The following LINGO2 variants were observed in gnomAD, a reference collection of about 807,000 sequenced individuals.
The protein encoded by LINGO2 is leucine-rich repeat and immunoglobulin-like domain-containing nogo receptor-interacting protein 2.
In LINGO2, 14 loss-of-function variants were observed where a neutral mutation model predicts 30.6. That is an observed-to-expected ratio of 0.46 (90% CI 0.30 to 0.72). The LOEUF (loss-of-function observed/expected upper bound fraction) is 0.72. LINGO2 is among the 30% of genes least tolerant of loss of function. LINGO2 has a pLI of 0.07. For synonymous variants in LINGO2, 317 were observed against 288.5 expected (o/e 1.10, Z -1.00); for missense variants, 729 against 751.7 (o/e 0.97, Z 0.35).
chr9:28,403,198 A>C (rs1822342763), intron 2 of LINGO2, among the ~76,000 whole-genome samples: 1 of 152,070 alleles, frequency 6.6e-6, no homozygotes. Flanking sequence ...TGTATTCCAA[A>C]ATGCTGAACT....
chr9:29,144,719 C>T, the LINGO2 span, among the ~76,000 whole-genome samples: 1 of 152,092 alleles, frequency 6.6e-6, no homozygotes, highest in Non-Finnish European at 1.5e-5. Context: ...ACTGTCTGAG[C>T]TTATCTCAAG....
At chr9:28,083,912 A>G (rs1451856067) in intron 4 of LINGO2, among the ~76,000 whole-genome samples, 1 of 152,174 alleles carries the variant, frequency 6.6e-6, no homozygotes, top group African/African-American at 2.4e-5. Context: ...GAGAAATTCA[A>G]ATAATAAGGG....
At chr9:29,089,587 T>G in the LINGO2 span, among the ~76,000 whole-genome samples, 1 of 152,112 alleles carries the variant, frequency 6.6e-6, no homozygotes, top group South Asian at 2.1e-4. Context: ...ATCTGCTTAT[T>G]TATTTCCCTA....
chr9:28,739,593 C>A, the LINGO2 span, among the ~76,000 whole-genome samples: 60 of 151,888 alleles, frequency 4.0e-4, no homozygotes, highest in East Asian at 0.011. Context: ...GTTATGAGGA[C>A]CCTACTATAG....
At chr9:28,049,429 C>T (rs989534664) in intron 4 of LINGO2, among the ~76,000 whole-genome samples, 8 of 150,126 alleles carry the variant, frequency 5.3e-5, no homozygotes, top group African/African-American at 1.2e-4. Flanking sequence ...CTTATTTCTA[C>T]GGGATGGGTA....
In LINGO2 at chr9:28,425,414, T is replaced by A. The variant is rs146178181; in HGVS notation, c.-279+50526A>T. 2.8e-3 allele frequency among the ~76,000 whole-genome samples: 425 copies of A among 151,712 alleles called. 1 individual carries two copies. Among genetic ancestry groups the A allele is most frequent in the African/African-American group, 9.8e-3 (407 of 41,430 alleles). On this transcript the variant is annotated intron_variant, in intron 2 of 5. Transcript: ENST00000379992. ...AAGCTCTAAGAGGTAGAAACTATTA[T>A]AATATTCATTTTAGAAAAGGAAGAT... is the stretch of plus-strand genomic sequence containing the variant.
the LINGO2 span, among the ~76,000 whole-genome samples, chr9:28,911,913 T>G: frequency 6.6e-6 from 1 of 152,142 alleles, no homozygotes; most frequent in Non-Finnish European, 1.5e-5. Flanking sequence ...GACAGTTTCA[T>G]CTTACTCAGC....
the LINGO2 span, among the ~76,000 whole-genome samples, chr9:28,818,534 C>T: frequency 6.6e-6 from 1 of 151,980 alleles, no homozygotes; most frequent in African/African-American, 2.4e-5. Context: ...TACAGATGCC[C>T]GCAACCACAT....
intron 2 of LINGO2, among the ~76,000 whole-genome samples, chr9:28,459,270 T>TAA (rs5897302): frequency 6.8e-6 from 1 of 147,870 alleles, no homozygotes; most frequent in Non-Finnish European, 1.5e-5. Flanking sequence ...GGAGAAAACT[T>TAA]AAAAAAAAAA....
chr9:28,148,741 T>C lies in LINGO2; in HGVS notation c.-86-136336A>G, dbSNP rs1272625662. On this transcript the variant is annotated intron_variant, in intron 4 of 5. Coordinates refer to ENST00000379992, the Ensembl canonical transcript of LINGO2. The surrounding 1 kb of genome is among the most constrained non-coding windows in gnomAD (Gnocchi z 5.1). ...GCCCTGCTGGAGGCATCCTTCCCTT[T>C]GGGAAGCCTGACCCACTTCCAACAG... is the stretch of plus-strand genomic sequence containing the variant. 3.3e-5 allele frequency: 51 copies of C among 1,533,556 alleles called. No individual in the cohort carries two copies. The highest frequency in any genetic ancestry group is 4.4e-5 in the Non-Finnish European group (50 of 1,146,198). 95.0% of individuals were successfully genotyped at this position (1,533,556 alleles called of 1,614,324 possible). A position where few individuals can be genotyped will look rare whatever the true frequency, so the allele number is the denominator to read the frequency against.
intron 3 of LINGO2, among the ~76,000 whole-genome samples, chr9:28,360,797 T>C (rs1820408979): frequency 6.6e-6 from 1 of 152,164 alleles, no homozygotes; most frequent in Non-Finnish European, 1.5e-5. Flanking sequence ...CTGCCCCATC[T>C]TGCCCTCTAT....
intron 1 of LINGO2, among the ~76,000 whole-genome samples, chr9:28,532,580 T>A (rs1051436427): frequency 1.3e-5 from 2 of 152,096 alleles, no homozygotes; most frequent in African/African-American, 4.8e-5. Flanking sequence ...TATGTATTTA[T>A]CATATACTTA....
At chr9:29,034,073 A>G in the LINGO2 span, among the ~76,000 whole-genome samples, 17 of 148,724 alleles carry the variant, frequency 1.1e-4, no homozygotes, top group Non-Finnish European at 2.4e-4. Flanking sequence ...ACAGAGTGAG[A>G]TTCCACCTCA....
the LINGO2 span, among the ~76,000 whole-genome samples, chr9:29,008,266 T>C: frequency 6.6e-6 from 1 of 152,194 alleles, no homozygotes; most frequent in Non-Finnish European, 1.5e-5. Context: ...TCATCCTTTT[T>C]TATGGCTGCA....
chr9:28,793,444 G>A, the LINGO2 span, among the ~76,000 whole-genome samples: 2 of 152,118 alleles, frequency 1.3e-5, no homozygotes, highest in Non-Finnish European at 2.9e-5. Flanking sequence ...CTTTTGCGGA[G>A]AGTTGTTATT....
At chr9:29,065,475 C>T in the LINGO2 span, among the ~76,000 whole-genome samples, 3 of 152,046 alleles carry the variant, frequency 2.0e-5, no homozygotes, top group African/African-American at 2.4e-5. Flanking sequence ...CAGTTTCAAT[C>T]TTCTGCATAT....
At chr9:28,822,712 T>C in the LINGO2 span, among the ~76,000 whole-genome samples, 1 of 152,194 alleles carries the variant, frequency 6.6e-6, no homozygotes, top group South Asian at 2.1e-4. Flanking sequence ...GGACTCCGAC[T>C]GGCTCTTCTT....
At chr9:28,047,086 A>C (rs965553159) in intron 4 of LINGO2, among the ~76,000 whole-genome samples, 2 of 152,120 alleles carry the variant, frequency 1.3e-5, no homozygotes, top group Non-Finnish European at 2.9e-5. Context: ...AGCAGACAGT[A>C]AATAGATTAA....
At chr9:28,386,561 T>TA (rs1000659621) in intron 2 of LINGO2, among the ~76,000 whole-genome samples, 4 of 152,134 alleles carry the variant, frequency 2.6e-5, no homozygotes, top group African/African-American at 7.2e-5. Context: ...ATATAACTCT[T>TA]AAAAAAACCA....
Sources: allele counts gnomAD v4.1 joint callset (sites outside exome capture counted in the v4.1 genomes callset), GRCh38; gene constraint gnomAD v4.1.1; non-coding constraint Gnocchi (gnomAD v3.1); transcripts MANE v1.5; gene names NCBI Gene and HGNC (gene_info 2026-07-23, HGNC 2026-07-21).